RBM20: variants seen among roughly 807,000 people sequenced by gnomAD.
The protein encoded by RBM20 is RNA binding motif protein 20, also known as RNA-binding protein 20.
A neutral mutation model predicts 110.1 loss-of-function variants in RBM20; 51 were observed. The ratio of observed to expected loss-of-function variants is 0.46; its 90% CI spans 0.37 to 0.59. The LOEUF (loss-of-function observed/expected upper bound fraction) is 0.59, where lower values mean the gene tolerates loss of function less well. Ranked by LOEUF, RBM20 falls within the 20% of genes least tolerant of loss-of-function variation. RBM20 has a pLI of 0.00. For synonymous variants in RBM20, 589 were observed against 618.2 expected (o/e 0.95, Z 0.70); for missense variants, 1,512 against 1,574.9 (o/e 0.96, Z 0.68).
chr10:110,800,053 GATCTCGAGGCAAACC>G, intron 7 of RBM20, 135 bp downstream of exon 7: 1 of 846,148 alleles, frequency 1.2e-6, no homozygotes, highest in Admixed American at 2.4e-5. Flanking sequence ...TGCCTTTGAG[GATCTCGAGGCAAACC>G]ATTGCAGCAT....
chr10:110,781,219 C>T lies in RBM20; in HGVS notation c.610C>T (p.Pro204Ser). 7 of 1,551,688 alleles carry T rather than the reference C, an allele frequency of 4.5e-6. No homozygotes were observed. Among genetic ancestry groups the T allele is most frequent in the Non-Finnish European group, 6.1e-6 (7 of 1,147,018 alleles). The stretch of plus-strand genomic sequence containing the variant: ...GATGCATCCTTTCACTGGGGTAATG[C>T]CTCAGACCCCTGGCCAGCCAGCAGT... Reference protein sequence around the residue: ...MVMHPFTGVMPQTPGQPAVIL... With the variant: ...MVMHPFTGVMSQTPGQPAVIL... The change falls in exon 2 of 14, where the codon CCT becomes TCT. Residue 204 changes from proline (P) to serine (S), a missense_variant. Around this residue, in one of 3 missense-constraint regions of RBM20, gnomAD observed 1,149 missense variants for 1,169.4 expected, o/e 0.98. Transcript: ENST00000369519.
intron 1 of RBM20, among the ~76,000 whole-genome samples, chr10:110,698,001 G>A (rs188252435): frequency 5.3e-4 from 80 of 150,548 alleles, no homozygotes; most frequent in Admixed American, 2.2e-3. Context: ...TCCACCTCCC[G>A]GCTTCACGCC....
chr10:110,797,903 C>T (rs1844572722), intron 6 of RBM20, among the ~76,000 whole-genome samples: 1 of 152,092 alleles, frequency 6.6e-6, no homozygotes, highest in African/African-American at 2.4e-5. Flanking sequence ...GAATGAGGTG[C>T]TCATTCACAT....
intron 7 of RBM20, among the ~76,000 whole-genome samples, chr10:110,809,739 G>C (rs1487633182): frequency 7.2e-5 from 11 of 152,142 alleles, no homozygotes. Flanking sequence ...AGGTGTTGAA[G>C]GGGGCACAGA....
chr10:110,834,666 T>A (rs1031308757), intron 13 of RBM20, among the ~76,000 whole-genome samples: 2 of 152,232 alleles, frequency 1.3e-5, no homozygotes, highest in African/African-American at 2.4e-5. Context: ...TTCACAGATG[T>A]CAGAGATATT....
chr10:110,790,384 A>G (rs1456304497), intron 5 of RBM20, among the ~76,000 whole-genome samples: 1 of 152,232 alleles, frequency 6.6e-6, no homozygotes, highest in African/African-American at 2.4e-5. Flanking sequence ...AAGAGAGCAA[A>G]GAGGAGGAGA....
intron 1 of RBM20, chr10:110,756,444 G>T (rs1843922065): frequency 6.6e-6 from 1 of 152,274 alleles, no homozygotes; most frequent in African/African-American, 2.4e-5. Flanking sequence ...ATTTAGAGGA[G>T]CCACTGAGGA....
At chr10:110,771,780 G>C (rs540146019) in intron 1 of RBM20, among the ~76,000 whole-genome samples, 1 of 152,192 alleles carries the variant, frequency 6.6e-6, no homozygotes, top group African/African-American at 2.4e-5. Context: ...TAGGGAGAGG[G>C]GCCAGTATAT....
At position 110,720,776 on chromosome 10, in the gene RBM20, A is replaced by G. The variant is rs149123801; in HGVS notation, c.192-60025A>G. Among the ~76,000 whole-genome samples the G allele has an allele frequency of 2.6e-3, 391 of 149,714 alleles. 4 individuals carry two copies. Among genetic ancestry groups the G allele is most frequent in the African/African-American group, 9.0e-3 (370 of 41,064 alleles). On this transcript the variant is annotated intron_variant, in intron 1 of 13. Transcript: ENST00000369519. The stretch of plus-strand genomic sequence containing the variant: ...CTGCCCCTACAGCCTGCTCTCCCAC[A>G]GCAGCTGGAGTGACCGTTGAAAATG...
intron 1 of RBM20, among the ~76,000 whole-genome samples, chr10:110,697,068 AGCCAAAGATG>A (rs1221952239): frequency 6.6e-6 from 1 of 152,226 alleles, no homozygotes; most frequent in African/African-American, 2.4e-5. Flanking sequence ...TATCCTGTAG[AGCCAAAGATG>A]GCTCAGGCTT....
intron 1 of RBM20, among the ~76,000 whole-genome samples, chr10:110,703,752 C>T (rs528867569): frequency 7.6e-4 from 115 of 152,304 alleles, no homozygotes; most frequent in African/African-American, 2.6e-3. Context: ...CGCCCTTTGA[C>T]GAAACACCTG....
intron 1 of RBM20, among the ~76,000 whole-genome samples, chr10:110,662,842 A>G (rs750652669): frequency 2.6e-5 from 4 of 152,134 alleles, no homozygotes; most frequent in Non-Finnish European, 4.4e-5. Flanking sequence ...AGTGTCTGAG[A>G]TTAGGCAGCC....
intron 5 of RBM20, among the ~76,000 whole-genome samples, chr10:110,787,085 G>A (rs1251720078): frequency 1.3e-5 from 2 of 152,210 alleles, no homozygotes; most frequent in East Asian, 1.9e-4. Context: ...GCCACTTGCT[G>A]TGTGTCTCCA....
chr10:110,743,989 T>C (rs927172982), intron 1 of RBM20, among the ~76,000 whole-genome samples: 3 of 152,158 alleles, frequency 2.0e-5, no homozygotes, highest in Non-Finnish European at 2.9e-5. Context: ...TTTTCAGTGA[T>C]CCTGGTGGGG....
At chr10:110,757,153 GCA>G (rs1843932550) in intron 1 of RBM20, among the ~76,000 whole-genome samples, 1 of 152,162 alleles carries the variant, frequency 6.6e-6, no homozygotes, top group Admixed American at 6.5e-5. Context: ...GTGGTTCAGA[GCA>G]CAGATTCCAC....
intron 1 of RBM20, among the ~76,000 whole-genome samples, chr10:110,753,070 C>T (rs1843879331): frequency 6.6e-6 from 1 of 151,256 alleles, no homozygotes; most frequent in South Asian, 2.1e-4. Context: ...CCCTGAGTAG[C>T]TGGGATTGCA....
At chr10:110,790,428 GTTC>G (rs1844470009) in intron 5 of RBM20, among the ~76,000 whole-genome samples, 2 of 152,230 alleles carry the variant, frequency 1.3e-5, no homozygotes, top group African/African-American at 4.8e-5. Flanking sequence ...TTTGGAATTT[GTTC>G]TTTTTACAAA....
intron 1 of RBM20, among the ~76,000 whole-genome samples, chr10:110,744,627 C>T (rs977658457): frequency 6.6e-6 from 1 of 152,136 alleles, no homozygotes; most frequent in African/African-American, 2.4e-5. Flanking sequence ...ACAAGCCCTC[C>T]AGGTGTGTCT....
chr10:110,648,509 T>C (rs1861900237), intron 1 of RBM20, among the ~76,000 whole-genome samples: 1 of 152,230 alleles, frequency 6.6e-6, no homozygotes, highest in Non-Finnish European at 1.5e-5. Flanking sequence ...CTTTCATTCA[T>C]ACTTGGTCCT....
Sources: gnomAD v4.1 joint callset for allele counts (sites outside exome capture counted in the v4.1 genomes callset) on GRCh38, gnomAD v4.1.1 for gene constraint, gnomAD v4.1.1 regional missense constraint, MANE v1.5 for transcripts, NCBI Gene and HGNC (gene_info 2026-07-23, HGNC 2026-07-21) for gene names.